ERC2: variants seen among roughly 807,000 people sequenced by gnomAD.
ERC2 encodes the protein ELKS/RAB6-interacting/CAST family member 2, also known as ERC protein 2.
In ERC2, 42 loss-of-function variants were observed where a neutral mutation model predicts 114.8. That is an observed-to-expected ratio of 0.37 (90% CI 0.29 to 0.47). The LOEUF (loss-of-function observed/expected upper bound fraction) is 0.47. Ranked by LOEUF, ERC2 falls within the 20% of genes least tolerant of loss-of-function variation. ERC2 has a pLI of 0.99. For missense variants in ERC2, 939 were observed against 1,150.7 expected, an observed-to-expected ratio of 0.82 and a Z score of 2.66; for synonymous variants, 454 against 425.5, an observed-to-expected ratio of 1.07 and a Z score of -0.82.
rs1223295686 is a variant in ERC2, at chr3:56,211,639, C to T, written c.1075-38119G>A. ...TGGAACCAAAAAAGAACCCACATAG[C>T]CAAAGCAAGACTAAGCAAAAAGAAC... On this transcript the variant is annotated intron_variant, in intron 3 of 17. Coordinates refer to ENST00000288221, the MANE Select transcript of ERC2 (RefSeq NM_015576.3). Among the ~76,000 whole-genome samples the T allele has an allele frequency of 2.6e-5, 4 of 152,020 alleles. No individual in the cohort carries two copies. The East Asian group carries it at 5.8e-4, about 22-fold the overall frequency.
At chr3:56,004,948 A>C (rs1390974987) in intron 10 of ERC2, among the ~76,000 whole-genome samples, 2 of 152,140 alleles carry the variant, frequency 1.3e-5, no homozygotes, top group East Asian at 1.9e-4. Flanking sequence ...TATATTTTCA[A>C]ATATTTCATG....
intron 15 of ERC2, among the ~76,000 whole-genome samples, chr3:55,713,129 T>TCACACACA (rs1491444178): frequency 2.7e-5 from 2 of 74,734 alleles, no homozygotes; most frequent in South Asian, 5.8e-4. Context: ...TCTCTCTCTG[T>TCACACACA]CTCACACACA....
chr3:56,225,909 T>G (rs2150161843), intron 3 of ERC2, among the ~76,000 whole-genome samples: 1 of 152,260 alleles, frequency 6.6e-6, no homozygotes, highest in South Asian at 2.1e-4. Flanking sequence ...CAGCTGGAAC[T>G]TCACATCCTC....
At chr3:55,671,882 G>A (rs548024536) in intron 17 of ERC2, among the ~76,000 whole-genome samples, 2 of 152,298 alleles carry the variant, frequency 1.3e-5, no homozygotes, top group African/African-American at 4.8e-5. Context: ...AAAAGGGGCT[G>A]TGAGCAATAA....
chr3:56,329,552 A>G (rs1328994024), intron 2 of ERC2, among the ~76,000 whole-genome samples: 2 of 152,198 alleles, frequency 1.3e-5, no homozygotes, highest in African/African-American at 4.8e-5. Flanking sequence ...ACCAGAGCCT[A>G]CCTGCCTGGA....
At chr3:56,031,912 C>A (rs1401032864) in intron 7 of ERC2, among the ~76,000 whole-genome samples, 1 of 152,130 alleles carries the variant, frequency 6.6e-6, no homozygotes, top group East Asian at 1.9e-4. Flanking sequence ...GAAATTTGAT[C>A]CTCAATCTTG....
chr3:55,601,515 T>C (rs1202195001), intron 17 of ERC2, among the ~76,000 whole-genome samples: 3 of 152,230 alleles, frequency 2.0e-5, no homozygotes, highest in Non-Finnish European at 4.4e-5. Flanking sequence ...ACACTGGTTG[T>C]GTGCAAACAA....
At chr3:56,033,084 G>GAAAGAAAGAAAGAA (rs2074582289) in intron 7 of ERC2, among the ~76,000 whole-genome samples, 1 of 133,012 alleles carries the variant, frequency 7.5e-6, no homozygotes, top group Non-Finnish European at 1.7e-5. Flanking sequence ...AAGAAAGAAA[G>GAAAGAAAGAAAGAA]AAAAGTAAAG....
chr3:56,125,099 T>C (rs2079797010), intron 6 of ERC2, among the ~76,000 whole-genome samples: 2 of 152,102 alleles, frequency 1.3e-5, no homozygotes, highest in African/African-American at 4.8e-5. Context: ...TTACAAAACA[T>C]ACGTTTTAAC....
intron 8 of ERC2, among the ~76,000 whole-genome samples, chr3:56,013,654 G>A (rs903110889): frequency 2.0e-5 from 3 of 152,262 alleles, no homozygotes; most frequent in Admixed American, 6.5e-5. Flanking sequence ...TGTACATGTC[G>A]ATATTTTTAT....
At chr3:55,522,900 G>T (rs1033137263) in intron 17 of ERC2, among the ~76,000 whole-genome samples, 1 of 152,232 alleles carries the variant, frequency 6.6e-6, no homozygotes, top group African/African-American at 2.4e-5. Flanking sequence ...CCCTGAGAGG[G>T]AATTTCTGTG....
chr3:55,527,438 A>G (rs75496071), intron 17 of ERC2, among the ~76,000 whole-genome samples: 1 of 152,058 alleles, frequency 6.6e-6, no homozygotes, highest in South Asian at 2.1e-4. Flanking sequence ...GACTTGGGGG[A>G]AAAGGATGAG....
At chr3:56,237,953 C>A (rs1330841582) in intron 3 of ERC2, among the ~76,000 whole-genome samples, 2 of 147,856 alleles carry the variant, frequency 1.4e-5, no homozygotes, top group Non-Finnish European at 3.0e-5. Context: ...ATTGGCAGAA[C>A]AAATTTGTAG....
At chr3:55,667,866 TGCTCTA>T (rs2061415463) in intron 17 of ERC2, among the ~76,000 whole-genome samples, 41 of 139,350 alleles carry the variant, frequency 2.9e-4, no homozygotes, top group African/African-American at 9.9e-4. Context: ...CTGGAGAACA[TGCTCTA>T]TGCCAGGATT....
chr3:56,257,553 C>A (rs1247441787), intron 3 of ERC2, among the ~76,000 whole-genome samples: 1 of 152,168 alleles, frequency 6.6e-6, no homozygotes, highest in Non-Finnish European at 1.5e-5. Flanking sequence ...AGGAATTTAC[C>A]AAGCAAAAGG....
At chr3:56,463,829 G>A (rs1350898677) in intron 1 of ERC2, among the ~76,000 whole-genome samples, 2 of 152,170 alleles carry the variant, frequency 1.3e-5, no homozygotes, top group African/African-American at 4.8e-5. Context: ...CATCCAAGAA[G>A]TCCTTCCTTA....
intron 14 of ERC2, among the ~76,000 whole-genome samples, chr3:55,816,625 G>A (rs1206446909): frequency 2.6e-5 from 4 of 152,062 alleles, no homozygotes; most frequent in Non-Finnish European, 5.9e-5. Flanking sequence ...TCTCATTTCC[G>A]CACATAATTC....
At chr3:55,787,336 A>C (rs1002459911) in intron 14 of ERC2, among the ~76,000 whole-genome samples, 6 of 152,122 alleles carry the variant, frequency 3.9e-5, no homozygotes, top group African/African-American at 1.2e-4. Context: ...GGATAGCTTG[A>C]GCCCAGGGAG....
chr3:55,948,558 G>T (rs1427383963), intron 13 of ERC2, among the ~76,000 whole-genome samples: 3 of 152,194 alleles, frequency 2.0e-5, no homozygotes, highest in Admixed American at 6.5e-5. Context: ...AATTAATCGT[G>T]ATTACTTTTT....
Sources: allele counts gnomAD v4.1 joint callset (sites outside exome capture counted in the v4.1 genomes callset), GRCh38; gene constraint gnomAD v4.1.1; transcripts MANE v1.5; gene names NCBI Gene and HGNC (gene_info 2026-07-23, HGNC 2026-07-21).